EYS: variants seen among roughly 807,000 people sequenced by gnomAD.
EYS encodes EGF-like photoreceptor maintenance factor.
EYS carries 250 observed loss-of-function variants against 282.1 expected under a neutral mutation model. The ratio of observed to expected loss-of-function variants is 0.89; its 90% CI spans 0.80 to 0.98. The LOEUF (loss-of-function observed/expected upper bound fraction) is 0.98. EYS is among the 50% of genes least tolerant of loss of function. The pLI is 0.00. For synonymous variants in EYS, 1,355 were observed against 1,282.9 expected, an observed-to-expected ratio of 1.06 and a Z score of -1.20; for missense variants, 4,016 against 3,709.0, an observed-to-expected ratio of 1.08 and a Z score of -2.15.
intron 33 of EYS, among the ~76,000 whole-genome samples, chr6:64,023,866 C>T (rs1769327898): frequency 6.6e-6 from 1 of 152,230 alleles, no homozygotes; most frequent in Non-Finnish European, 1.5e-5. Context: ...GGGCCCCGCA[C>T]TCGTAGTGGC....
chr6:64,554,206 T>C (rs1765173565), intron 26 of EYS, among the ~76,000 whole-genome samples: 2 of 152,130 alleles, frequency 1.3e-5, no homozygotes, highest in Admixed American at 1.3e-4. Flanking sequence ...ATTTTCATCT[T>C]AGCAAAATAA....
At chr6:63,876,740 T>C (rs1772983006) in intron 35 of EYS, among the ~76,000 whole-genome samples, 1 of 152,366 alleles carries the variant, frequency 6.6e-6, no homozygotes, top group East Asian at 1.9e-4. Flanking sequence ...TTTGTCTCTT[T>C]TGATCTTTGT....
chr6:63,953,664 G>T (rs1349858435), intron 35 of EYS, among the ~76,000 whole-genome samples: 1 of 152,122 alleles, frequency 6.6e-6, no homozygotes, highest in African/African-American at 2.4e-5. Flanking sequence ...AGAAAACCTA[G>T]CTGACCCCAT....
chr6:65,500,010 A>G (rs542796024), intron 2 of EYS, among the ~76,000 whole-genome samples: 7 of 151,980 alleles, frequency 4.6e-5, no homozygotes, highest in Admixed American at 6.6e-5. Flanking sequence ...AAGAATAAAA[A>G]GAGTAAAAAA....
chr6:64,054,333 AG>A (rs1770911686), intron 33 of EYS, among the ~76,000 whole-genome samples: 1 of 152,086 alleles, frequency 6.6e-6, no homozygotes, highest in Non-Finnish European at 1.5e-5. Context: ...ACAATTTCAT[AG>A]AAAAAAAACC....
chr6:64,875,774 T>G (rs1195796618), intron 19 of EYS, among the ~76,000 whole-genome samples: 1 of 152,144 alleles, frequency 6.6e-6, no homozygotes, highest in African/African-American at 2.4e-5. Context: ...AAAAGTGTAT[T>G]TTAATGTTCT....
chr6:64,665,155 C>T (rs1455782380), intron 22 of EYS, among the ~76,000 whole-genome samples: 1 of 152,056 alleles, frequency 6.6e-6, no homozygotes, highest in Admixed American at 6.5e-5. Context: ...ACTTTGTCCA[C>T]TGTAATAATG....
At chr6:65,167,501 G>T (rs187148972) in intron 12 of EYS, among the ~76,000 whole-genome samples, 4 of 151,294 alleles carry the variant, frequency 2.6e-5, no homozygotes, top group African/African-American at 9.7e-5. Flanking sequence ...TTAAATTAAA[G>T]ATCACTTTCT....
chr6:64,090,534 T>G (rs895702764), intron 31 of EYS, among the ~76,000 whole-genome samples: 3 of 152,200 alleles, frequency 2.0e-5, no homozygotes, highest in Non-Finnish European at 4.4e-5. Flanking sequence ...CCATTTTTTT[T>G]GTATGACTCA....
At chr6:64,056,968 G>C (rs541493635) in intron 33 of EYS, among the ~76,000 whole-genome samples, 1 of 152,252 alleles carries the variant, frequency 6.6e-6, no homozygotes, top group East Asian at 1.9e-4. Context: ...CTGGCAATTA[G>C]AATTAGGCCA....
chr6:64,804,503 T>C (rs1764364430), intron 22 of EYS, among the ~76,000 whole-genome samples: 1 of 152,162 alleles, frequency 6.6e-6, no homozygotes, highest in South Asian at 2.1e-4. Context: ...CATAAATCCA[T>C]AATTATTAGT....
intron 8 of EYS, among the ~76,000 whole-genome samples, chr6:65,382,405 G>C (rs1440681747): frequency 6.9e-6 from 1 of 144,060 alleles, no homozygotes; most frequent in Non-Finnish European, 1.5e-5. Flanking sequence ...GTGTTTCTGA[G>C]GGAATTCAAC....
At chr6:64,688,767 C>T (rs912821117) in intron 22 of EYS, among the ~76,000 whole-genome samples, 2 of 152,062 alleles carry the variant, frequency 1.3e-5, no homozygotes, top group African/African-American at 4.8e-5. Context: ...GAGTTCAATT[C>T]CTGGATATCC....
At chr6:65,033,968 G>T (rs1772687412) in intron 13 of EYS, among the ~76,000 whole-genome samples, 1 of 152,164 alleles carries the variant, frequency 6.6e-6, no homozygotes, top group Admixed American at 6.5e-5. Context: ...AAGCTGTGGA[G>T]CTACTCAAGG....
chr6:64,486,435 A>AT lies in EYS; in HGVS notation c.5645-47084dup, dbSNP rs1776581230. On this transcript the variant is annotated intron_variant, in intron 26 of 42. Transcript: ENST00000503581. ...TTCAAGGGATTTTGAATAATAGGTT[A>AT]TTTTTAAAGAGGTAGCATTTTGTTA... 2.0e-5 allele frequency among the ~76,000 whole-genome samples: 3 copies of AT among 151,422 alleles called. No individual in the cohort carries two copies. In the Admixed American group the frequency reaches 2.0e-4, roughly 10 times the overall value.
intron 19 of EYS, among the ~76,000 whole-genome samples, chr6:64,853,118 G>T (rs1353693484): frequency 2.0e-5 from 3 of 152,064 alleles, no homozygotes; most frequent in African/African-American, 7.2e-5. Flanking sequence ...ATTAAATATA[G>T]ATATCTCTCC....
At chr6:64,666,571 G>A (rs1339949785) in intron 22 of EYS, among the ~76,000 whole-genome samples, 1 of 152,124 alleles carries the variant, frequency 6.6e-6, no homozygotes, top group Middle Eastern at 3.2e-3. Context: ...TCTTTGGGCT[G>A]TAATGTCTGT....
intron 22 of EYS, among the ~76,000 whole-genome samples, chr6:64,642,698 A>G (rs1158903968): frequency 1.3e-5 from 2 of 152,248 alleles, no homozygotes; most frequent in Non-Finnish European, 2.9e-5. Context: ...CAGCTAATGC[A>G]TTACTAAAAA....
At chr6:64,608,261 A>G (rs1184507179) in intron 24 of EYS, among the ~76,000 whole-genome samples, 1 of 152,148 alleles carries the variant, frequency 6.6e-6, no homozygotes, top group Admixed American at 6.6e-5. Context: ...GAACAGAAGT[A>G]GGTAATATGT....
Sources: allele counts gnomAD v4.1 joint callset (sites outside exome capture counted in the v4.1 genomes callset), GRCh38; gene constraint gnomAD v4.1.1; transcripts MANE v1.5; gene names NCBI Gene and HGNC (gene_info 2026-07-23, HGNC 2026-07-21).